FHIT: variants seen among roughly 807,000 people sequenced by gnomAD.
FHIT encodes fragile histidine triad diadenosine triphosphatase.
Under a neutral mutation model 17.9 loss-of-function variants are expected in FHIT, and 19 were observed. That is an observed-to-expected ratio of 1.06 (90% CI 0.74 to 1.56). The LOEUF is 1.56. Among genes scored for constraint, FHIT ranks in the 40% most tolerant of loss-of-function variants. The probability of loss-of-function intolerance (pLI) is 0.00; values close to 1 mark genes in which losing one functional copy is unlikely to be tolerated. For synonymous variants in FHIT, 81 were observed against 69.7 expected (o/e 1.16, Z -0.81); for missense variants, 248 against 189.2 (o/e 1.31, Z -1.82).
At chr3:60,711,117 G>A (rs533399931) in intron 4 of FHIT, among the ~76,000 whole-genome samples, 31 of 152,232 alleles carry the variant, frequency 2.0e-4, no homozygotes, top group African/African-American at 5.1e-4. Flanking sequence ...CACAGATCAC[G>A]AAAATCCATG....
At chr3:60,441,648 A>T (rs2030810047) in intron 5 of FHIT, among the ~76,000 whole-genome samples, 1 of 147,170 alleles carries the variant, frequency 6.8e-6, no homozygotes, top group South Asian at 2.1e-4. Flanking sequence ...AGTTGTTGTA[A>T]ATCTTAGGCC....
chr3:60,224,266 A>G (rs1289385085), intron 5 of FHIT, among the ~76,000 whole-genome samples: 3 of 152,176 alleles, frequency 2.0e-5, no homozygotes, highest in African/African-American at 7.2e-5. Flanking sequence ...TCCGTACTCT[A>G]AAGACCCACT....
At chr3:61,142,646 A>G (rs948175541) in intron 2 of FHIT, among the ~76,000 whole-genome samples, 7 of 152,224 alleles carry the variant, frequency 4.6e-5, no homozygotes, top group African/African-American at 1.7e-4. Context: ...AATGACATAG[A>G]AAAAGAAAAA....
chr3:59,778,722 G>A lies in FHIT; in HGVS notation c.349-26401C>T, dbSNP rs553277075. Among the ~76,000 whole-genome samples the A allele has an allele frequency of 1.5e-3, 225 of 152,338 alleles. 1 individual carries two copies. Among genetic ancestry groups the A allele is most frequent in the South Asian group, 5.8e-3 (28 of 4,824 alleles). On this transcript the variant is annotated intron_variant, in intron 8 of 9. Transcript: ENST00000492590. ...TCTGTCCCTTCTAAAGAACTGGGGAGTACTTTAGGCTTGTCATGTAGAGAA... is the reference window on the plus strand; with the variant it reads ...TCTGTCCCTTCTAAAGAACTGGGGAATACTTTAGGCTTGTCATGTAGAGAA...
intron 5 of FHIT, among the ~76,000 whole-genome samples, chr3:60,157,973 C>T (rs1044527770): frequency 1.7e-4 from 26 of 152,220 alleles, no homozygotes; most frequent in Admixed American, 1.5e-3. Flanking sequence ...CTTCCTTGTT[C>T]GGTTCCTGAA....
chr3:60,714,803 G>T (rs1553706207), intron 4 of FHIT, among the ~76,000 whole-genome samples: 3 of 152,126 alleles, frequency 2.0e-5, no homozygotes, highest in African/African-American at 7.2e-5. Context: ...ACAAATGGAA[G>T]AACATTCCAT....
At chr3:59,895,039 G>T (rs1250121959) in intron 8 of FHIT, among the ~76,000 whole-genome samples, 1 of 152,216 alleles carries the variant, frequency 6.6e-6, no homozygotes, top group East Asian at 1.9e-4. Context: ...TCCCACAGGG[G>T]ACATTTGACA....
chr3:60,540,974 C>T (rs2036167834), intron 4 of FHIT, among the ~76,000 whole-genome samples: 1 of 152,132 alleles, frequency 6.6e-6, no homozygotes, highest in African/African-American at 2.4e-5. Flanking sequence ...GAGGCCCCAC[C>T]CCAGACCTAC....
chr3:60,204,053 ATTG>A (rs1157515154), intron 5 of FHIT, among the ~76,000 whole-genome samples: 1 of 152,186 alleles, frequency 6.6e-6, no homozygotes, highest in East Asian at 1.9e-4. Context: ...AAATAATTTA[ATTG>A]TACATTTTAA....
chr3:59,972,679 A>G (rs17061587), intron 7 of FHIT, among the ~76,000 whole-genome samples: 1,548 of 152,236 alleles, frequency 0.01, 32 homozygotes, highest in African/African-American at 0.035. Context: ...ACAGCAAGTC[A>G]GACCAATGCC....
chr3:61,226,883 G>A (rs891391366), intron 1 of FHIT, among the ~76,000 whole-genome samples: 1 of 152,162 alleles, frequency 6.6e-6, no homozygotes, highest in Non-Finnish European at 1.5e-5. Context: ...GAAATGGGTA[G>A]AATGCTGAAA....
At chr3:61,212,976 G>A (rs2039535316) in intron 1 of FHIT, among the ~76,000 whole-genome samples, 1 of 152,130 alleles carries the variant, frequency 6.6e-6, no homozygotes, top group Non-Finnish European at 1.5e-5. Context: ...CTCACCACCA[G>A]GCCTGCCCTA....
At chr3:60,156,895 C>A (rs1408904348) in intron 5 of FHIT, among the ~76,000 whole-genome samples, 1 of 151,960 alleles carries the variant, frequency 6.6e-6, no homozygotes, top group Admixed American at 6.5e-5. Context: ...AATCAATGTG[C>A]ATTAGTATGC....
At chr3:60,674,556 T>C (rs2040579278) in intron 4 of FHIT, among the ~76,000 whole-genome samples, 1 of 152,212 alleles carries the variant, frequency 6.6e-6, no homozygotes, top group African/African-American at 2.4e-5. Context: ...GGAAATTACA[T>C]TTCTAAAATA....
chr3:60,176,559 G>T (rs550326652), intron 5 of FHIT, among the ~76,000 whole-genome samples: 1 of 152,274 alleles, frequency 6.6e-6, no homozygotes, highest in South Asian at 2.1e-4. Context: ...ACAAACACCT[G>T]GCAACTGCCA....
At chr3:60,748,582 T>C (rs1395583328) in intron 4 of FHIT, among the ~76,000 whole-genome samples, 1 of 152,014 alleles carries the variant, frequency 6.6e-6, no homozygotes, top group Non-Finnish European at 1.5e-5. Flanking sequence ...GAGGCCGAGG[T>C]GGGCGGATCA....
At chr3:59,792,364 G>A (rs1699601408) in intron 8 of FHIT, among the ~76,000 whole-genome samples, 1 of 152,156 alleles carries the variant, frequency 6.6e-6, no homozygotes, top group South Asian at 2.1e-4. Context: ...CAAAACAATT[G>A]AAGAAACATG....
At chr3:60,101,751 T>A (rs1001771323) in intron 5 of FHIT, among the ~76,000 whole-genome samples, 17 of 152,258 alleles carry the variant, frequency 1.1e-4, no homozygotes, top group South Asian at 2.1e-4. Context: ...GAATGCCAAG[T>A]TCCATCACAT....
intron 7 of FHIT, among the ~76,000 whole-genome samples, chr3:59,965,282 G>T (rs545549240): frequency 6.6e-6 from 1 of 152,018 alleles, no homozygotes; most frequent in Non-Finnish European, 1.5e-5. Flanking sequence ...TAGTGTATGG[G>T]AAATACAGAC....
Sources: gnomAD v4.1 joint callset for allele counts (sites outside exome capture counted in the v4.1 genomes callset) on GRCh38, gnomAD v4.1.1 for gene constraint, MANE v1.5 for transcripts, NCBI Gene and HGNC (gene_info 2026-07-23, HGNC 2026-07-21) for gene names.